GYS1: variants seen among roughly 807,000 people sequenced by gnomAD.
GYS1 encodes the protein glycogen [starch] synthase, muscle.
GYS1 carries 60 observed loss-of-function variants against 89.1 expected under a neutral mutation model. The ratio of observed to expected loss-of-function variants is 0.67; its 90% CI spans 0.55 to 0.84. The LOEUF (loss-of-function observed/expected upper bound fraction) is 0.84. Among genes scored for constraint, GYS1 ranks in the 40% least tolerant of loss-of-function variants. GYS1 has a pLI of 0.00. For missense variants in GYS1, 888 were observed against 1,003.1 expected (o/e 0.89, Z 1.55); for synonymous variants, 366 against 401.7 (o/e 0.91, Z 1.06).
At chr19:48,979,326 TTTTTC>T (rs1245540222) in intron 8 of GYS1, among the ~76,000 whole-genome samples, 235 of 120,216 alleles carry the variant, frequency 2.0e-3, no homozygotes, top group South Asian at 4.7e-3. Context: ...CTCTTTTTCT[TTTTTC>T]TTTTCTTTTT....
intron 8 of GYS1, among the ~76,000 whole-genome samples, chr19:48,979,910 G>C (rs1248578562): frequency 1.3e-5 from 2 of 151,886 alleles, no homozygotes; most frequent in Non-Finnish European, 2.9e-5. Context: ...GCCTCCCAAA[G>C]TGCCGGGATT....
At chr19:48,977,593 A>T (rs1281344977) in intron 10 of GYS1, among the ~76,000 whole-genome samples, 1 of 152,116 alleles carries the variant, frequency 6.6e-6, no homozygotes, top group African/African-American at 2.4e-5. Flanking sequence ...ACTCCATCTC[A>T]AAATAAATAA....
Position 48,968,585 on chromosome 19 carries a change from T to G in GYS1, c.*703A>C, listed in dbSNP as rs1334181998. 1 of 454,420 alleles carries G rather than the reference T, an allele frequency of 2.2e-6. No homozygotes were observed. Among genetic ancestry groups the G allele is most frequent in the Non-Finnish European group, 4.4e-6 (1 of 226,778 alleles). 28.1% of individuals were successfully genotyped at this position (454,420 alleles called of 1,614,324 possible). Reference sequence around the variant, plus strand: ...AGGGCCAGAAAGACAGGAAGGCATCTGGACTGAGACTGTGTGTCCTCCAGA... The same window carrying G: ...AGGGCCAGAAAGACAGGAAGGCATCGGGACTGAGACTGTGTGTCCTCCAGA... On this transcript the variant is annotated 3_prime_UTR_variant, in exon 16 of 16. Transcript: ENST00000323798.
At chr19:48,977,253 G>A (rs942347888) in intron 10 of GYS1, among the ~76,000 whole-genome samples, 5 of 152,248 alleles carry the variant, frequency 3.3e-5, no homozygotes, top group African/African-American at 4.8e-5. Context: ...TTACAGGCAT[G>A]AGCCACCACA....
In GYS1 at chr19:48,982,278, C is replaced by T. The variant is rs1318177502; in HGVS notation, c.1039G>A (p.Ala347Thr). 6.2e-7 allele frequency: 1 copy of T among 1,613,776 alleles called. No individual in the cohort carries two copies. The highest frequency in any genetic ancestry group is 8.5e-7 in the Non-Finnish European group (1 of 1,179,820). ...ACTCTGAGCAGATAGTTGAGCCGAGCCAATGCCTCCAGGAAGACGTCAGCA... is the reference window on the plus strand; with the variant it reads ...ACTCTGAGCAGATAGTTGAGCCGAGTCAATGCCTCCAGGAAGACGTCAGCA... ...KGADVFLEALARLNYLLRVNG... is the reference protein window; with the variant it reads ...KGADVFLEALTRLNYLLRVNG... Residue 347 changes from alanine (A) to threonine (T), a missense_variant, in exon 7 of 16, where the codon GCT (alanine) becomes ACT (threonine). By Grantham distance (58) the Ala-to-Thr change is moderately conservative. Transcript: ENST00000323798.
At chr19:48,970,202 G>T (rs758750236) in intron 14 of GYS1, 5 of 459,750 alleles carry the variant, frequency 1.1e-5, no homozygotes, top group African/African-American at 8.1e-5. Context: ...AAGGCTCACT[G>T]CAGCCTCAAC....
Position 48,982,810 on chromosome 19 carries a change from A to G in GYS1, c.851T>C (p.Val284Ala). 1 of 1,612,228 alleles carries G rather than the reference A, an allele frequency of 6.2e-7. No homozygotes were observed. The change falls in exon 6 of 16, where the codon GTG becomes GCG. Residue 284 changes from valine (V) to alanine (A), a missense_variant. By Grantham distance (64) the Val-to-Ala change is moderately conservative. Coordinates refer to ENST00000323798, the MANE Select transcript of GYS1 (RefSeq NM_002103.5). ...PDIVTPNGLN[V>A]KKFSAMHEFQ... ...CTCATGCATGGCAGAAAACTTCTTC[A>G]CATTCAGCCCATTGGGGGTCACAAT...
chr19:48,986,509 C>CTT (rs1194864356), intron 3 of GYS1, among the ~76,000 whole-genome samples: 1 of 132,302 alleles, frequency 7.6e-6, no homozygotes. Context: ...TTTTCTTTTT[C>CTT]TTTTTTTTTT....
Position 48,970,589 on chromosome 19 carries a change from G to A in GYS1, c.1766C>T (p.Thr589Met), listed in dbSNP as rs2038547846. ...GTCCAGAAGGTCGGAGAGGCGCTCC[G>A]TGCGGTTCCGCTGGATGATACGCTG... ...RRQRIIQRNR[T>M]ERLSDLLDWK... Residue 589 changes from threonine (T) to methionine (M), a missense_variant, in exon 14 of 16, where the codon ACG becomes ATG. By Grantham distance (81) the Thr-to-Met change is moderately conservative. Coordinates refer to ENST00000323798, the MANE Select transcript of GYS1 (RefSeq NM_002103.5). 1.2e-6 allele frequency: 2 copies of A among 1,613,850 alleles called. No homozygotes were observed. The highest frequency in any genetic ancestry group is 2.2e-5 in the South Asian group (2 of 91,064).
At chr19:48,970,367 T>A (rs1225398703) in intron 14 of GYS1, 179 bp downstream of exon 14, 4 of 622,146 alleles carry the variant, frequency 6.4e-6, no homozygotes, top group Non-Finnish European at 2.9e-6. Flanking sequence ...CGATCCTTCC[T>A]GTTAGGCCTC....
intron 5 of GYS1, among the ~76,000 whole-genome samples, chr19:48,984,594 C>T (rs2038812821): frequency 6.6e-6 from 1 of 151,940 alleles, no homozygotes; most frequent in Non-Finnish European, 1.5e-5. Flanking sequence ...TGGAGTTTCG[C>T]CATGTTGGCC....
intron 2 of GYS1, among the ~76,000 whole-genome samples, chr19:48,990,011 G>GGGGC (rs1555800166): frequency 6.6e-6 from 1 of 150,564 alleles, no homozygotes; most frequent in African/African-American, 2.5e-5. Flanking sequence ...GGGGGGGGGG[G>GGGGC]GGCTATTCTT....
rs997649837 is a variant in GYS1 at position 48,968,215 on chromosome 19, C to A, written c.*1073G>T. 2.2e-6 allele frequency: 1 copy of A among 454,212 alleles called. No individual in the cohort carries two copies. The highest frequency in any genetic ancestry group is 4.4e-6 in the Non-Finnish European group (1 of 226,794). 28.1% of individuals were successfully genotyped at this position (454,212 alleles called of 1,614,324 possible). A position where few individuals can be genotyped will look rare whatever the true frequency, so the allele number is the denominator to read the frequency against. Reference sequence around the variant, plus strand: ...CCTGCCCTCCCCTCTCAACTGCAAACCAAGCGGTGCAGACACAGCACAGCA... The same window carrying A: ...CCTGCCCTCCCCTCTCAACTGCAAAACAAGCGGTGCAGACACAGCACAGCA... On this transcript the variant is annotated 3_prime_UTR_variant, in exon 16 of 16. Transcript: ENST00000323798.
intron 5 of GYS1, among the ~76,000 whole-genome samples, chr19:48,983,072 G>C (rs1476314536): frequency 6.6e-6 from 1 of 152,008 alleles, no homozygotes; most frequent in African/African-American, 2.4e-5. Flanking sequence ...TTGCATCCCT[G>C]ACCTCCTGGG....
At chr19:48,986,531 C>A (rs1460956478) in intron 3 of GYS1, among the ~76,000 whole-genome samples, 1 of 143,850 alleles carries the variant, frequency 7.0e-6, no homozygotes, top group Non-Finnish European at 1.5e-5. Flanking sequence ...GAGACAGTGT[C>A]TCACTCTGTG....
intron 2 of GYS1, among the ~76,000 whole-genome samples, chr19:48,987,966 A>G (rs561051313): frequency 7.9e-5 from 12 of 151,988 alleles, no homozygotes; most frequent in Non-Finnish European, 1.8e-4. Flanking sequence ...ACGCCCGGCT[A>G]CTTTTTTTTG....
chr19:48,982,638 C>T (rs901307927), intron 6 of GYS1, 82 bp downstream of exon 6: 18 of 1,079,494 alleles, frequency 1.7e-5, no homozygotes, highest in East Asian at 2.4e-5. Context: ...GTCTGGGCCC[C>T]CAGCTGCCCC....
Position 48,974,213 on chromosome 19 carries a change from C to T in GYS1, c.1549G>A (p.Ala517Thr). Reference sequence around the variant, plus strand: ...GCTGTCCCCTGCCCACTACACTCACCCGGTGTGTAGCCCCAAGGCTCATAG... The same window carrying T: ...GCTGTCCCCTGCCCACTACACTCACTCGGTGTGTAGCCCCAAGGCTCATAG... ...SYYEPWGYTP[A>T]ECTVMGIPSI... The change falls in exon 12 of 16, where the codon GCT (alanine) becomes ACT (threonine). Residue 517 changes from alanine to threonine, a missense_variant and splice_region_variant. Coordinates refer to ENST00000323798, the MANE Select transcript of GYS1 (RefSeq NM_002103.5). The T allele has an allele frequency of 6.3e-7, 1 of 1,599,788 alleles. No individual in the cohort carries two copies. The highest frequency in any genetic ancestry group is 8.5e-7 in the Non-Finnish European group (1 of 1,172,828).
intron 14 of GYS1, 49 bp from the exon 15 acceptor site, chr19:48,969,904 C>A (rs779816112): frequency 2.2e-5 from 29 of 1,327,218 alleles, no homozygotes; most frequent in Non-Finnish European, 2.9e-5. Flanking sequence ...CCAGGCCCCA[C>A]CCCCAGGCAG....
Sources: gnomAD v4.1 joint callset for allele counts (sites outside exome capture counted in the v4.1 genomes callset) on GRCh38, gnomAD v4.1.1 for gene constraint, MANE v1.5 for transcripts, NCBI Gene and HGNC (gene_info 2026-07-23, HGNC 2026-07-21) for gene names.